TTC7B: variants seen among roughly 807,000 people sequenced by gnomAD.
The protein encoded by TTC7B is tetratricopeptide repeat protein 7B.
Under a neutral mutation model 106.8 loss-of-function variants are expected in TTC7B, and 28 were observed. That is an observed-to-expected ratio of 0.26 (90% CI 0.19 to 0.36). TTC7B has a LOEUF of 0.36. Among genes scored for constraint, TTC7B ranks in the 10% least tolerant of loss-of-function variants. The pLI is 1.00. For missense variants in TTC7B, 862 were observed against 1,076.4 expected, an observed-to-expected ratio of 0.80 and a Z score of 2.79; for synonymous variants, 405 against 430.6, an observed-to-expected ratio of 0.94 and a Z score of 0.74.
In TTC7B at chr14:90,695,697, G is replaced by A. The variant is rs1286317707; in HGVS notation, c.699-119C>T. The A allele has an allele frequency of 2.5e-5, 12 of 488,324 alleles. 1 individual carries two copies. The highest frequency in any genetic ancestry group is 8.2e-5 in the South Asian group (2 of 24,450). 30.2% of individuals were successfully genotyped at this position (488,324 alleles called of 1,614,324 possible). On this transcript the variant is annotated intron_variant, in intron 5 of 19. Transcript: ENST00000328459. ...GCTGTTGGCTAGATTTTAAGCAAAC[G>A]ATTACTCTGCACATGCCTAGCCATC...
At chr14:90,549,222 C>T (rs971690305) in intron 19 of TTC7B, among the ~76,000 whole-genome samples, 1 of 152,174 alleles carries the variant, frequency 6.6e-6, no homozygotes. Context: ...GAGTGGGACC[C>T]CTTCTCCTCC....
rs772228446 is a variant in TTC7B, at chr14:90,816,230, C to T, written c.66G>A (p.Gln22=). ...TGACGAGCTCAGGGATCCGCTCCCA[C>T]TGGCACTCGGAGCGGCAGCGCTCGA... ...TEIERCRSEC[Q]WERIPELVKQ... Residue 22 remains glutamine, a synonymous_variant, in exon 1 of 20, where the codon CAG becomes CAA. Transcript: ENST00000328459. The T allele has an allele frequency of 3.9e-6, 5 of 1,273,162 alleles. No individual in the cohort carries two copies. The highest frequency in any genetic ancestry group is 1.6e-5 in the African/African-American group (1 of 62,774). 78.9% of individuals were successfully genotyped at this position (1,273,162 alleles called of 1,614,324 possible).
intron 5 of TTC7B, among the ~76,000 whole-genome samples, chr14:90,705,819 C>T (rs532014256): frequency 4.0e-4 from 61 of 152,284 alleles, no homozygotes; most frequent in African/African-American, 1.4e-3. Context: ...AAAATCGCTC[C>T]TACTTTACAC....
In TTC7B at chr14:90,578,204, G is replaced by T. The variant is rs1447617803; in HGVS notation, c.2212C>A (p.Gln738Lys). The T allele has an allele frequency of 6.2e-7, 1 of 1,614,198 alleles. No individual in the cohort carries two copies. Among genetic ancestry groups the T allele is most frequent in the Non-Finnish European group, 8.5e-7 (1 of 1,180,038 alleles). The change falls in exon 19 of 20, where the codon CAG (glutamine) becomes AAG (lysine). Residue 738 changes from glutamine to lysine, a missense_variant. By Grantham distance (53) the Gln-to-Lys change is moderately conservative. Coordinates refer to ENST00000328459, the MANE Select transcript of TTC7B (RefSeq NM_001010854.2). This position sits in a 1 kb window ranked among gnomAD's most constrained non-coding sequence, Gnocchi z 4.7. ...MSHNVLYMRG[Q>K]IAELRGSMDE... ...ATGCTTCCCCGGAGCTCAGCAATCT[G>T]GCCGCGCATGTAGAGGACATTGTGG...
intron 3 of TTC7B, among the ~76,000 whole-genome samples, chr14:90,769,768 C>T (rs902023410): frequency 3.3e-5 from 5 of 151,894 alleles, no homozygotes; most frequent in African/African-American, 4.8e-5. Flanking sequence ...GACTCTGTCT[C>T]AAAACAAACA....
At chr14:90,680,080 C>T (rs777566832) in intron 8 of TTC7B, among the ~76,000 whole-genome samples, 5 of 152,206 alleles carry the variant, frequency 3.3e-5, no homozygotes, top group African/African-American at 1.2e-4. Context: ...CACTCCAGGG[C>T]AAATTGAGAG....
rs575132219 is a variant in TTC7B, at chr14:90,570,955, C to T, written c.2310+7151G>A. On this transcript the variant is annotated intron_variant, in intron 19 of 19. Coordinates refer to ENST00000328459, the MANE Select transcript of TTC7B (RefSeq NM_001010854.2). This position sits in a 1 kb window ranked among gnomAD's most constrained non-coding sequence, Gnocchi z 4.0. ...GAACCCAGGCAGCTGGCGCCAGCAC[C>T]GTGCTCCCGATCTTTCCACCGCCTG... Among the ~76,000 whole-genome samples the T allele has an allele frequency of 6.6e-6, 1 of 152,162 alleles. No homozygotes were observed. The highest frequency in any genetic ancestry group is 1.5e-5 in the Non-Finnish European group (1 of 68,030).
At chr14:90,762,355 GA>G (rs1320307948) in intron 3 of TTC7B, among the ~76,000 whole-genome samples, 3 of 151,032 alleles carry the variant, frequency 2.0e-5, no homozygotes, top group Non-Finnish European at 4.4e-5. Flanking sequence ...GGGCACCTGG[GA>G]AAAAGCCTGC....
intron 9 of TTC7B, among the ~76,000 whole-genome samples, chr14:90,669,169 G>T (rs79223278): frequency 0.13 from 19,343 of 152,064 alleles, 1,443 homozygotes; most frequent in Middle Eastern, 0.21. Flanking sequence ...ACATGCAAAA[G>T]AATGGAGTTG....
chr14:90,783,103 G>A (rs947634220), intron 2 of TTC7B, among the ~76,000 whole-genome samples: 9 of 152,200 alleles, frequency 5.9e-5, no homozygotes, highest in Non-Finnish European at 7.3e-5. Flanking sequence ...TGGCCAGGGC[G>A]CCTCGGCTGC....
intron 5 of TTC7B, among the ~76,000 whole-genome samples, chr14:90,711,135 G>T (rs1034948117): frequency 1.3e-5 from 2 of 152,132 alleles, no homozygotes; most frequent in Non-Finnish European, 2.9e-5. Flanking sequence ...ATATCAGAGG[G>T]TCATAGGAAT....
chr14:90,629,074 G>A (rs796146276), intron 15 of TTC7B, among the ~76,000 whole-genome samples: 2 of 152,378 alleles, frequency 1.3e-5, no homozygotes, highest in African/African-American at 4.8e-5. Context: ...GCTGAAAGCA[G>A]GCGCTCTCTA....
intron 13 of TTC7B, chr14:90,648,438 C>T (rs985661599): frequency 3.3e-5 from 5 of 152,500 alleles, no homozygotes; most frequent in African/African-American, 1.2e-4. Flanking sequence ...GCAGCCTCAA[C>T]CTCCCAGGGC....
intron 3 of TTC7B, among the ~76,000 whole-genome samples, chr14:90,755,814 G>A (rs1413053421): frequency 3.3e-5 from 5 of 152,196 alleles, no homozygotes; most frequent in Non-Finnish European, 5.9e-5. Context: ...CTCATCAAGC[G>A]AATGAGCAAA....
intron 15 of TTC7B, among the ~76,000 whole-genome samples, chr14:90,623,191 A>G (rs1884285550): frequency 6.6e-6 from 1 of 152,260 alleles, no homozygotes. Flanking sequence ...CTGTGAAATC[A>G]TAAGCTACAA....
At chr14:90,728,074 G>T (rs1889178899) in intron 5 of TTC7B, among the ~76,000 whole-genome samples, 1 of 152,106 alleles carries the variant, frequency 6.6e-6, no homozygotes, top group Non-Finnish European at 1.5e-5. Context: ...TCTCCTTGGG[G>T]TATATTCTGT....
intron 4 of TTC7B, 32 bp downstream of exon 4, chr14:90,744,760 T>C: frequency 6.2e-7 from 1 of 1,601,944 alleles, no homozygotes; most frequent in Non-Finnish European, 8.5e-7. Flanking sequence ...AGGGAAAAAG[T>C]TATCAGGAAC....
chr14:90,684,742 C>T (rs77955387), intron 7 of TTC7B, among the ~76,000 whole-genome samples: 1 of 151,868 alleles, frequency 6.6e-6, no homozygotes, highest in Non-Finnish European at 1.5e-5. Context: ...GAAGAGGCCA[C>T]GGGAGGGCGT....
chr14:90,678,610 G>T (rs558051543), intron 8 of TTC7B, among the ~76,000 whole-genome samples: 1 of 152,266 alleles, frequency 6.6e-6, no homozygotes, highest in South Asian at 2.1e-4. Context: ...ATCCACTGAT[G>T]ACATCACTGG....
Sources: allele counts gnomAD v4.1 joint callset (sites outside exome capture counted in the v4.1 genomes callset), GRCh38; gene constraint gnomAD v4.1.1; non-coding constraint Gnocchi (gnomAD v3.1); transcripts MANE v1.5; gene names NCBI Gene and HGNC (gene_info 2026-07-23, HGNC 2026-07-21).